Variants in ELMO1 observed in about 807,000 individuals in gnomAD.
The protein encoded by ELMO1 is engulfment and cell motility protein 1.
ELMO1 carries 26 observed loss-of-function variants against 98.9 expected under a neutral mutation model. The ratio of observed to expected loss-of-function variants is 0.26; its 90% CI spans 0.19 to 0.36. ELMO1 has a LOEUF of 0.36. Ranked by LOEUF, ELMO1 falls within the 10% of genes least tolerant of loss-of-function variation. The pLI is 1.00. For missense variants in ELMO1, 627 were observed against 935.2 expected (o/e 0.67, Z 4.30); for synonymous variants, 346 against 346.0 (o/e 1.00, Z 0.00).
At chr7:36,860,635 C>A (rs953048196) in intron 21 of ELMO1, among the ~76,000 whole-genome samples, 5 of 152,164 alleles carry the variant, frequency 3.3e-5, no homozygotes, top group Non-Finnish European at 5.9e-5. Context: ...GTACACAGCT[C>A]TATACATCTT....
At chr7:36,888,468 C>T (rs1257096601) in intron 17 of ELMO1, among the ~76,000 whole-genome samples, 1 of 152,118 alleles carries the variant, frequency 6.6e-6, no homozygotes, top group South Asian at 2.1e-4. Context: ...GCCCATTCCT[C>T]ATAGCAGTGT....
chr7:37,212,998 G>A (rs1361259473), intron 12 of ELMO1, among the ~76,000 whole-genome samples: 1 of 152,132 alleles, frequency 6.6e-6, no homozygotes, highest in Non-Finnish European at 1.5e-5. Context: ...TCACCAAGAG[G>A]CCCTAGTTGT....
At chr7:37,150,148 T>C (rs563548127) in intron 13 of ELMO1, among the ~76,000 whole-genome samples, 2 of 152,232 alleles carry the variant, frequency 1.3e-5, no homozygotes, top group Non-Finnish European at 2.9e-5. Context: ...AAAGACAACA[T>C]CTAATTTTGA....
At chr7:37,045,032 T>C (rs1795723468) in intron 15 of ELMO1, among the ~76,000 whole-genome samples, 1 of 152,216 alleles carries the variant, frequency 6.6e-6, no homozygotes, top group Non-Finnish European at 1.5e-5. Flanking sequence ...TATGAAGCTA[T>C]GAATGCTTTA....
chr7:37,171,523 C>G (rs565513919), intron 13 of ELMO1, among the ~76,000 whole-genome samples: 2 of 103,292 alleles, frequency 1.9e-5, no homozygotes, highest in African/African-American at 7.5e-5. Context: ...GACAGAGTCT[C>G]GCTCTGTCAC....
At chr7:37,363,924 C>G (rs17171009) in intron 1 of ELMO1, among the ~76,000 whole-genome samples, 1 of 152,120 alleles carries the variant, frequency 6.6e-6, no homozygotes, top group African/African-American at 2.4e-5. Context: ...GAAAATCACA[C>G]CCTAGGCCTA....
rs564736527 is a variant in ELMO1 at position 36,856,417 on chromosome 7, G to A, written c.1984-666C>T. Among the ~76,000 whole-genome samples, 20 of 152,310 alleles carry A rather than the reference G, an allele frequency of 1.3e-4. No individual in the cohort carries two copies. In the Middle Eastern group the frequency reaches 0.01, roughly 78 times the overall value. ...GGGAGGAGGGTTGGCTGCCTGTCTG[G>A]GGACCTCTTTAGCCTTTGTCTCTAG... is the stretch of plus-strand genomic sequence containing the variant. On this transcript the variant is annotated intron_variant, in intron 21 of 21. Coordinates refer to ENST00000310758, the MANE Select transcript of ELMO1 (RefSeq NM_014800.11).
At chr7:37,266,790 A>G (rs1796262621) in intron 5 of ELMO1, among the ~76,000 whole-genome samples, 1 of 152,144 alleles carries the variant, frequency 6.6e-6, no homozygotes, top group African/African-American at 2.4e-5. Context: ...AGGCGAGCAG[A>G]TAACTTGAGG....
chr7:37,317,611 C>T (rs113759876), intron 2 of ELMO1, among the ~76,000 whole-genome samples: 2,374 of 151,786 alleles, frequency 0.016, 33 homozygotes, highest in Middle Eastern at 0.055. Context: ...TTTGTGGGAT[C>T]GAAAAATCAA....
At chr7:36,883,333 C>T (rs1179619830) in intron 18 of ELMO1, among the ~76,000 whole-genome samples, 1 of 152,230 alleles carries the variant, frequency 6.6e-6, no homozygotes, top group African/African-American at 2.4e-5. Context: ...AGACCTTCAT[C>T]TCTAAAATAC....
At chr7:37,209,179 T>A (rs919283790) in intron 13 of ELMO1, among the ~76,000 whole-genome samples, 11 of 152,206 alleles carry the variant, frequency 7.2e-5, no homozygotes, top group Admixed American at 6.5e-4. Context: ...ACCCTGGTCA[T>A]CTCACATAAG....
chr7:37,087,370 G>GT (rs1783844901), intron 15 of ELMO1, among the ~76,000 whole-genome samples: 1 of 151,942 alleles, frequency 6.6e-6, no homozygotes, highest in Admixed American at 6.6e-5. Context: ...TTTAGTCTCA[G>GT]TTTTTGATGG....
Position 37,315,979 on chromosome 7 carries a change from G to T in ELMO1, c.79-19C>A. On this transcript the variant is annotated intron_variant, in intron 2 of 21. Transcript: ENST00000310758. ...GTTTTTTCTGCAAAATAACAAAAAA[G>T]GAAATACTTGTTAGTTTCGTTTCAT... is the stretch of plus-strand genomic sequence containing the variant. 1 of 1,409,984 alleles carries T rather than the reference G, an allele frequency of 7.1e-7. No homozygotes were observed. Among genetic ancestry groups the T allele is most frequent in the Non-Finnish European group, 9.3e-7 (1 of 1,079,210 alleles). The allele number at this position is 1,409,984 out of a possible 1,614,324, so 87.3% of individuals were successfully genotyped here. A position where few individuals can be genotyped will look rare whatever the true frequency, so the allele number is the denominator to read the frequency against.
intron 16 of ELMO1, among the ~76,000 whole-genome samples, chr7:36,965,770 A>G (rs1428012834): frequency 6.6e-6 from 1 of 152,170 alleles, no homozygotes; most frequent in South Asian, 2.1e-4. Context: ...CATTCCAAAC[A>G]CATCATTTCC....
At chr7:36,954,860 G>A (rs950133436) in intron 16 of ELMO1, among the ~76,000 whole-genome samples, 17 of 152,146 alleles carry the variant, frequency 1.1e-4, no homozygotes, top group Non-Finnish European at 2.2e-4. Context: ...ATTAAATTAG[G>A]AATTCTGGAG....
At chr7:37,288,795 T>A (rs1183612634) in intron 4 of ELMO1, among the ~76,000 whole-genome samples, 1 of 152,214 alleles carries the variant, frequency 6.6e-6, no homozygotes, top group African/African-American at 2.4e-5. Flanking sequence ...TACACCCACA[T>A]GTAGTCTTAT....
intron 8 of ELMO1, among the ~76,000 whole-genome samples, chr7:37,229,871 C>T (rs1364178824): frequency 3.3e-5 from 5 of 152,100 alleles, no homozygotes; most frequent in Non-Finnish European, 7.4e-5. Context: ...ACCACCAAGA[C>T]TGTCAGTCTT....
chr7:36,929,909 G>C (rs1475787337), intron 16 of ELMO1, among the ~76,000 whole-genome samples: 3 of 152,164 alleles, frequency 2.0e-5, no homozygotes, highest in African/African-American at 7.2e-5. Flanking sequence ...ATCCCTTCGG[G>C]AGCAATTGAG....
chr7:37,003,870 T>C (rs1038737074), intron 16 of ELMO1, among the ~76,000 whole-genome samples: 5 of 152,140 alleles, frequency 3.3e-5, no homozygotes, highest in Admixed American at 3.3e-4. Flanking sequence ...CTGCTTGGTT[T>C]ATCTTGTCTA....
Sources: gnomAD v4.1 joint callset for allele counts (sites outside exome capture counted in the v4.1 genomes callset) on GRCh38, gnomAD v4.1.1 for gene constraint, MANE v1.5 for transcripts, NCBI Gene and HGNC (gene_info 2026-07-23, HGNC 2026-07-21) for gene names.